The following DPYD variants were observed in gnomAD, a reference collection of about 807,000 sequenced individuals.
DPYD encodes the protein dihydropyrimidine dehydrogenase, also known as dihydropyrimidine dehydrogenase [NADP(+)].
In DPYD, 109 loss-of-function variants were observed where a neutral mutation model predicts 116.2. The observed-to-expected ratio is 0.94, with a 90% confidence interval of 0.80 to 1.10. The LOEUF (loss-of-function observed/expected upper bound fraction) is 1.10. Among genes scored for constraint, DPYD ranks in the 50% least tolerant of loss-of-function variants. The probability of loss-of-function intolerance (pLI) is 0.00; values close to 1 mark genes in which losing one functional copy is unlikely to be tolerated. For missense variants in DPYD, 1,302 were observed against 1,254.5 expected (o/e 1.04, Z -0.57); for synonymous variants, 440 against 432.0 (o/e 1.02, Z -0.23).
At chr1:97,301,352 G>A (rs1346137870) in intron 18 of DPYD, among the ~76,000 whole-genome samples, 3 of 151,994 alleles carry the variant, frequency 2.0e-5, no homozygotes, top group Admixed American at 1.3e-4. Context: ...AAAATTTGAA[G>A]TTAAGAACAA....
intron 5 of DPYD, among the ~76,000 whole-genome samples, chr1:97,712,501 T>A (rs572909398): frequency 2.0e-5 from 3 of 152,226 alleles, no homozygotes; most frequent in South Asian, 2.1e-4. Flanking sequence ...TATTTGTGTT[T>A]CATTAGGATA....
At chr1:97,324,144 GC>G (rs1668588893) in intron 16 of DPYD, among the ~76,000 whole-genome samples, 1 of 151,952 alleles carries the variant, frequency 6.6e-6, no homozygotes, top group Non-Finnish European at 1.5e-5. Flanking sequence ...CATTCTCTGA[GC>G]CTTTTCGTTT....
intron 18 of DPYD, among the ~76,000 whole-genome samples, chr1:97,252,137 T>C (rs1198455037): frequency 3.9e-5 from 6 of 152,250 alleles, no homozygotes; most frequent in Non-Finnish European, 8.8e-5. Flanking sequence ...GGATTTGTAA[T>C]GAAGTATCCT....
intron 3 of DPYD, among the ~76,000 whole-genome samples, chr1:97,821,178 C>T (rs1668908406): frequency 6.6e-6 from 1 of 151,490 alleles, no homozygotes; most frequent in South Asian, 2.1e-4. Context: ...TAAAAATACA[C>T]AAATTAGCCA....
chr1:97,577,305 C>A (rs1230450074), intron 10 of DPYD, among the ~76,000 whole-genome samples: 1 of 152,146 alleles, frequency 6.6e-6, no homozygotes, highest in South Asian at 2.1e-4. Context: ...TCACCACATC[C>A]CTATGAAACG....
At chr1:97,617,096 G>A (rs1340412094) in intron 8 of DPYD, among the ~76,000 whole-genome samples, 4 of 152,120 alleles carry the variant, frequency 2.6e-5, no homozygotes, top group African/African-American at 2.4e-5. Context: ...AAGCTGCTAG[G>A]AAAATTCTCT....
chr1:97,399,309 T>A lies in DPYD; in HGVS notation c.1906-16848A>T, dbSNP rs145207542. ...CTGTTCTGTTCCATTGGTCTATATC[T>A]CTTTTGTGGTACCAGTACCATGTTG... On this transcript the variant is annotated intron_variant, in intron 14 of 22. Coordinates refer to ENST00000370192, the MANE Select transcript of DPYD (RefSeq NM_000110.4). Among the ~76,000 whole-genome samples the A allele has an allele frequency of 6.7e-3, 1,022 of 152,258 alleles. 9 individuals are homozygous for A. Among genetic ancestry groups the A allele is most frequent in the Non-Finnish European group, 8.9e-3 (605 of 68,018 alleles).
chr1:97,269,046 T>G (rs188403969), intron 18 of DPYD, among the ~76,000 whole-genome samples: 1 of 152,202 alleles, frequency 6.6e-6, no homozygotes, highest in Admixed American at 6.5e-5. Context: ...GCACCTTGAA[T>G]GCTTTGTTGC....
chr1:97,810,304 A>AG lies in DPYD; in HGVS notation c.233+17809_233+17810insC, dbSNP rs1463031252. ...TCCATCTCAAAAAAAAAAAAAAAAAAAAGAAGCATCAACGGGAAATAAAAA... is the reference window on the plus strand; with the variant it reads ...TCCATCTCAAAAAAAAAAAAAAAAAAGAAGAAGCATCAACGGGAAATAAAAA... On this transcript the variant is annotated intron_variant, in intron 3 of 22. Transcript: ENST00000370192. Among the ~76,000 whole-genome samples the AG allele has an allele frequency of 6.6e-5, 10 of 151,300 alleles. 1 individual carries two copies. Among genetic ancestry groups the AG allele is most frequent in the East Asian group, 5.8e-4 (3 of 5,144 alleles).
intron 1 of DPYD, among the ~76,000 whole-genome samples, chr1:97,917,790 A>G (rs1183605298): frequency 2.0e-5 from 3 of 152,178 alleles, no homozygotes; most frequent in Non-Finnish European, 2.9e-5. Context: ...AGCTGCATAC[A>G]TTTCGTTTAG....
At chr1:97,659,996 C>T (rs539412804) in intron 8 of DPYD, among the ~76,000 whole-genome samples, 12 of 152,184 alleles carry the variant, frequency 7.9e-5, no homozygotes, top group African/African-American at 2.9e-4. Flanking sequence ...AATAGTAATA[C>T]TCTGTAATGG....
chr1:97,305,247 G>A lies in DPYD; in HGVS notation c.2299+12C>T. The A allele has an allele frequency of 6.2e-7, 1 of 1,611,802 alleles. No individual in the cohort carries two copies. The highest frequency in any genetic ancestry group is 1.1e-5 in the South Asian group (1 of 90,996). ...CCAAGAAAGCACAATGCAAGAAGTG[G>A]GCAACACCTACCAGACACTCCTCCA... On this transcript the variant is annotated intron_variant, in intron 18 of 22. Transcript: ENST00000370192.
chr1:97,905,417 A>G (rs1401607410), intron 1 of DPYD, among the ~76,000 whole-genome samples: 1 of 152,040 alleles, frequency 6.6e-6, no homozygotes, highest in Admixed American at 6.6e-5. Flanking sequence ...GCTCCAGTGA[A>G]TCAGTTTTAT....
chr1:97,192,291 A>C (rs1056795063), intron 20 of DPYD, among the ~76,000 whole-genome samples: 1 of 152,124 alleles, frequency 6.6e-6, no homozygotes, highest in Non-Finnish European at 1.5e-5. Context: ...CTTCAAGTTA[A>C]GATTCATTTG....
rs1661597587 is a variant in DPYD, at chr1:97,231,682, C to T, written c.2442+3170G>A. Among the ~76,000 whole-genome samples the T allele has an allele frequency of 2.6e-5, 4 of 152,034 alleles. No homozygotes were observed. The South Asian group carries it at 8.3e-4, about 32-fold the overall frequency. Reference sequence around the variant, plus strand: ...ATTGTAATCTCACACAGAGCCAAGCCATATCAATCACTTTTATCCTCCAAG... The same window carrying T: ...ATTGTAATCTCACACAGAGCCAAGCTATATCAATCACTTTTATCCTCCAAG... On this transcript the variant is annotated intron_variant, in intron 19 of 22. Coordinates refer to ENST00000370192, the MANE Select transcript of DPYD (RefSeq NM_000110.4).
At chr1:97,349,753 A>G (rs1040628638) in intron 16 of DPYD, among the ~76,000 whole-genome samples, 2 of 152,074 alleles carry the variant, frequency 1.3e-5, no homozygotes, top group Non-Finnish European at 2.9e-5. Flanking sequence ...TCGTTGTTGG[A>G]CATTTGGGTT....
chr1:97,399,193 T>C (rs1324538574), intron 14 of DPYD, among the ~76,000 whole-genome samples: 5 of 152,206 alleles, frequency 3.3e-5, no homozygotes, highest in Non-Finnish European at 7.3e-5. Context: ...GCACCATGTA[T>C]TAAATAGGGA....
chr1:97,538,351 C>T (rs760047417), intron 12 of DPYD, among the ~76,000 whole-genome samples: 3 of 152,168 alleles, frequency 2.0e-5, no homozygotes, highest in Non-Finnish European at 4.4e-5. Flanking sequence ...ATCACACATT[C>T]ATTTCACATA....
intron 18 of DPYD, among the ~76,000 whole-genome samples, chr1:97,250,631 T>C (rs2100808509): frequency 6.6e-6 from 1 of 152,162 alleles, no homozygotes; most frequent in Non-Finnish European, 1.5e-5. Context: ...GCCAGACATG[T>C]CCCCTACTCA....
Sources: gnomAD v4.1 joint callset for allele counts (sites outside exome capture counted in the v4.1 genomes callset) on GRCh38, gnomAD v4.1.1 for gene constraint, MANE v1.5 for transcripts, NCBI Gene and HGNC (gene_info 2026-07-23, HGNC 2026-07-21) for gene names.